The following CEP70 variants were observed in gnomAD, a reference collection of about 807,000 sequenced individuals.
The protein encoded by CEP70 is centrosomal protein 70.
In CEP70, 70 loss-of-function variants were observed where a neutral mutation model predicts 90.9. That is an observed-to-expected ratio of 0.77 (90% CI 0.64 to 0.94). The LOEUF (loss-of-function observed/expected upper bound fraction) is 0.94. CEP70 is among the 40% of genes least tolerant of loss of function. CEP70 has a pLI of 0.00. For missense variants in CEP70, 648 were observed against 669.0 expected (o/e 0.97, Z 0.35); for synonymous variants, 220 against 228.3 (o/e 0.96, Z 0.33).
intron 8 of CEP70, 41 bp downstream of exon 8, chr3:138,532,473 G>C: frequency 6.9e-7 from 1 of 1,453,194 alleles, no homozygotes; most frequent in Non-Finnish European, 9.1e-7. Flanking sequence ...GTGAATACTG[G>C]ATTAAAACCT....
intron 12 of CEP70, among the ~76,000 whole-genome samples, chr3:138,506,083 T>G (rs2034960556): frequency 6.6e-6 from 1 of 152,222 alleles, no homozygotes; most frequent in East Asian, 1.9e-4. Flanking sequence ...AGGTGAACCA[T>G]TTGAAGAAAC....
chr3:138,513,074 A>G (rs1049753524), intron 11 of CEP70, among the ~76,000 whole-genome samples: 4 of 152,210 alleles, frequency 2.6e-5, no homozygotes, highest in Non-Finnish European at 5.9e-5. Context: ...GCTCCTGGCT[A>G]AAATCCAATG....
rs890022638 is a variant in CEP70 at position 138,495,375 on chromosome 3, A to G, written c.1733-299T>C. Among the ~76,000 whole-genome samples the G allele has an allele frequency of 2.6e-5, 4 of 152,186 alleles. No homozygotes were observed. The East Asian group carries it at 5.8e-4, about 22-fold the overall frequency. The stretch of plus-strand genomic sequence containing the variant: ...ACAGATCCAACTGCCCACATGTGTG[A>G]TATGTTAGTGTCTCATTAGATCTGT... On this transcript the variant is annotated intron_variant, in intron 17 of 17. Transcript: ENST00000264982.
At chr3:138,505,203 T>C (rs1265294651) in intron 13 of CEP70, 92 bp downstream of exon 13, 10 of 1,015,610 alleles carry the variant, frequency 9.8e-6, no homozygotes, top group African/African-American at 1.6e-5. Flanking sequence ...AATTAAACCC[T>C]ATTTAATTTT....
intron 12 of CEP70, among the ~76,000 whole-genome samples, chr3:138,506,925 T>G (rs1052263704): frequency 6.6e-6 from 1 of 151,810 alleles, no homozygotes; most frequent in African/African-American, 2.4e-5. Flanking sequence ...TTTTTTTTTC[T>G]AGAGATGTGG....
At position 138,497,864 on chromosome 3, in the gene CEP70, C is replaced by T. The variant is rs2034086406; in HGVS notation, c.1732+167G>A. 4 of 985,300 alleles carry T rather than the reference C, an allele frequency of 4.1e-6. No individual in the cohort carries two copies. In the South Asian group the frequency reaches 1.4e-4, roughly 35 times the overall value. 61.0% of individuals were successfully genotyped at this position (985,300 alleles called of 1,614,324 possible). On this transcript the variant is annotated intron_variant, in intron 17 of 17. Transcript: ENST00000264982. ...AGGGTCTGTGTTTCTGTTCTATGGA[C>T]TAATCCAAACAAACTCTAACTGCTT... is the stretch of plus-strand genomic sequence containing the variant.
rs770721073 is a variant in CEP70 at position 138,500,192 on chromosome 3, T to G, written c.1570A>C (p.Thr524Pro). 3.2e-5 allele frequency: 52 copies of G among 1,613,474 alleles called. No individual in the cohort carries two copies. The highest frequency in any genetic ancestry group is 4.4e-5 in the Non-Finnish European group (52 of 1,179,488). The change falls in exon 16 of 18, where the codon ACT becomes CCT. Residue 524 changes from threonine to proline, a missense_variant. Physicochemically the swap from Thr to Pro is conservative, Grantham distance 38. Transcript: ENST00000264982. ...SSSSLCVLVSTVGKLCRLINE... is the reference protein window; with the variant it reads ...SSSSLCVLVSPVGKLCRLINE... The stretch of plus-strand genomic sequence containing the variant: ...ATCAGCCTACAGAGTTTTCCAACAG[T>G]GCTTACTAGCACACACAATGAGGAT...
At chr3:138,579,772 T>C (rs2041753607) in intron 2 of CEP70, among the ~76,000 whole-genome samples, 1 of 151,960 alleles carries the variant, frequency 6.6e-6, no homozygotes, top group Non-Finnish European at 1.5e-5. Context: ...TGGCTTCAGC[T>C]GTGATCCAGC....
At chr3:138,563,306 A>G (rs1275100445) in intron 6 of CEP70, among the ~76,000 whole-genome samples, 1 of 152,216 alleles carries the variant, frequency 6.6e-6, no homozygotes, top group East Asian at 1.9e-4. Flanking sequence ...CAGATAATTA[A>G]CAAGGATATT....
intron 2 of CEP70, among the ~76,000 whole-genome samples, chr3:138,578,866 C>T (rs1234083552): frequency 6.6e-6 from 1 of 152,158 alleles, no homozygotes; most frequent in Non-Finnish European, 1.5e-5. Context: ...AACAGGAACA[C>T]CAAATTTAAG....
Position 138,591,924 on chromosome 3 carries a change from C to T in CEP70, c.-76G>A. 7.8e-7 allele frequency: 1 copy of T among 1,274,072 alleles called. No individual in the cohort carries two copies. The highest frequency in any genetic ancestry group is 1.1e-6 in the Non-Finnish European group (1 of 946,998). The allele number at this position is 1,274,072 out of a possible 1,614,324, so 78.9% of individuals were successfully genotyped here. A position where few individuals can be genotyped will look rare whatever the true frequency, so the allele number is the denominator to read the frequency against. Reference sequence around the variant, plus strand: ...GGTTGATCTCAATGAAATGATCACCCAACGAGTCTCATGTCTGAAACTGGA... The same window carrying T: ...GGTTGATCTCAATGAAATGATCACCTAACGAGTCTCATGTCTGAAACTGGA... On this transcript the variant is annotated 5_prime_UTR_variant, in exon 2 of 18. Transcript: ENST00000264982.
chr3:138,524,582 C>T (rs1336131829), intron 11 of CEP70, among the ~76,000 whole-genome samples: 1 of 152,156 alleles, frequency 6.6e-6, no homozygotes, highest in African/African-American at 2.4e-5. Flanking sequence ...AACCAAACAA[C>T]CCCATCAACA....
At chr3:138,519,140 T>G (rs937002951) in intron 11 of CEP70, among the ~76,000 whole-genome samples, 2 of 151,974 alleles carry the variant, frequency 1.3e-5, no homozygotes, top group Non-Finnish European at 2.9e-5. Flanking sequence ...GAAAAAAGAA[T>G]AAAAAGAAAT....
intron 6 of CEP70, among the ~76,000 whole-genome samples, chr3:138,546,281 T>C (rs1429937459): frequency 6.6e-6 from 1 of 152,126 alleles, no homozygotes; most frequent in African/African-American, 2.4e-5. Flanking sequence ...GCAGAAAATA[T>C]GTATAGCTAG....
intron 17 of CEP70, chr3:138,496,124 A>C: frequency 1.0e-6 from 1 of 985,476 alleles, no homozygotes; most frequent in Non-Finnish European, 1.2e-6. Flanking sequence ...ACTTAAGGTA[A>C]GCCACAATGG....
intron 11 of CEP70, among the ~76,000 whole-genome samples, chr3:138,512,920 CA>C (rs927034870): frequency 6.6e-6 from 1 of 152,196 alleles, no homozygotes; most frequent in Non-Finnish European, 1.5e-5. Flanking sequence ...GTGAGCTTCT[CA>C]AAGCTATACT....
chr3:138,543,011 T>C (rs766321173), intron 6 of CEP70, among the ~76,000 whole-genome samples: 43 of 152,152 alleles, frequency 2.8e-4, no homozygotes, highest in Non-Finnish European at 6.0e-4. Flanking sequence ...GACTGGTCCA[T>C]GGACAGCCAT....
intron 11 of CEP70, among the ~76,000 whole-genome samples, chr3:138,520,437 A>G (rs1186648267): frequency 6.6e-6 from 1 of 152,194 alleles, no homozygotes; most frequent in African/African-American, 2.4e-5. Flanking sequence ...TTGGAAGTAA[A>G]GCACTCCTCA....
chr3:138,498,003 A>C, intron 17 of CEP70, 28 bp downstream of exon 17: 1 of 1,611,266 alleles, frequency 6.2e-7, no homozygotes, highest in Non-Finnish European at 8.5e-7. Context: ...AAGACTCAAA[A>C]TTTCACCATC....
Sources: gnomAD v4.1 joint callset for allele counts (sites outside exome capture counted in the v4.1 genomes callset) on GRCh38, gnomAD v4.1.1 for gene constraint, MANE v1.5 for transcripts, NCBI Gene and HGNC (gene_info 2026-07-23, HGNC 2026-07-21) for gene names.